Variants in SUGCT observed in about 807,000 individuals in gnomAD.
The protein encoded by SUGCT is succinyl-CoA:glutarate CoA-transferase.
Under a neutral mutation model 55.0 loss-of-function variants are expected in SUGCT, and 41 were observed. The observed-to-expected ratio is 0.74, with a 90% CI of 0.58 to 0.97. The LOEUF is 0.97. Among genes scored for constraint, SUGCT ranks in the 50% least tolerant of loss-of-function variants. SUGCT has a pLI of 0.00. For synonymous variants in SUGCT, 187 were observed against 200.4 expected (o/e 0.93, Z 0.56); for missense variants, 568 against 547.8 (o/e 1.04, Z -0.37).
the SUGCT span, among the ~76,000 whole-genome samples, chr7:41,003,774 T>TCCTTC: frequency 6.6e-6 from 1 of 152,198 alleles, no homozygotes; most frequent in Non-Finnish European, 1.5e-5. Flanking sequence ...ATCCCAGGTA[T>TCCTTC]CCTTCTTTGT....
At chr7:40,847,075 G>A (rs1256096822) in intron 13 of SUGCT, among the ~76,000 whole-genome samples, 1 of 152,180 alleles carries the variant, frequency 6.6e-6, no homozygotes, top group Non-Finnish European at 1.5e-5. Flanking sequence ...GGAATGTCTG[G>A]AGTGAATGCT....
intron 12 of SUGCT, among the ~76,000 whole-genome samples, chr7:40,649,634 G>T (rs1233791969): frequency 6.6e-6 from 1 of 151,984 alleles, no homozygotes; most frequent in African/African-American, 2.4e-5. Flanking sequence ...TGGTTTAATT[G>T]GTTGAATAGC....
At chr7:40,953,600 T>C in the SUGCT span, among the ~76,000 whole-genome samples, 3 of 152,364 alleles carry the variant, frequency 2.0e-5, no homozygotes, top group East Asian at 5.8e-4. Context: ...CCTTTGGTCT[T>C]TGATGATGGT....
chr7:40,604,060 C>T (rs1294433998), intron 12 of SUGCT, among the ~76,000 whole-genome samples: 2 of 152,248 alleles, frequency 1.3e-5, no homozygotes, highest in African/African-American at 4.8e-5. Context: ...CCTCCTGCTT[C>T]TAGACCTTTG....
chr7:40,667,073 T>C (rs1226955110), intron 12 of SUGCT, among the ~76,000 whole-genome samples: 1 of 150,058 alleles, frequency 6.7e-6, no homozygotes, highest in African/African-American at 2.5e-5. Context: ...TGCCACTGCA[T>C]TCCAGTCTAG....
intron 13 of SUGCT, among the ~76,000 whole-genome samples, chr7:40,814,400 TA>T (rs1457689894): frequency 2.0e-5 from 3 of 152,114 alleles, no homozygotes; most frequent in South Asian, 2.1e-4. Flanking sequence ...TTTTTAAAAT[TA>T]TTTTTTTCTT....
intron 9 of SUGCT, among the ~76,000 whole-genome samples, chr7:40,401,126 T>A (rs1173296857): frequency 6.6e-6 from 1 of 152,200 alleles, no homozygotes; most frequent in Non-Finnish European, 1.5e-5. Context: ...TCTTTTTTTC[T>A]TGTGGAATAG....
the SUGCT span, among the ~76,000 whole-genome samples, chr7:41,015,210 G>A: frequency 6.6e-6 from 1 of 152,182 alleles, no homozygotes; most frequent in East Asian, 1.9e-4. Flanking sequence ...TTAGGAAATA[G>A]ATGGAGTAAT....
intron 9 of SUGCT, among the ~76,000 whole-genome samples, chr7:40,445,486 C>T (rs570658717): frequency 1.8e-4 from 27 of 152,012 alleles, no homozygotes; most frequent in African/African-American, 5.5e-4. Flanking sequence ...TATCAGGCTC[C>T]GAAATTGAGG....
At chr7:41,037,157 G>T in the SUGCT span, among the ~76,000 whole-genome samples, 5 of 152,186 alleles carry the variant, frequency 3.3e-5, no homozygotes, top group East Asian at 9.6e-4. Flanking sequence ...CACAAAGAAA[G>T]CCCTTCCTTT....
At chr7:40,563,914 T>A (rs1395373501) in intron 12 of SUGCT, among the ~76,000 whole-genome samples, 1 of 151,936 alleles carries the variant, frequency 6.6e-6, no homozygotes, top group Non-Finnish European at 1.5e-5. Context: ...TAAAAAGTAG[T>A]CCCCCAGAGA....
the SUGCT span, among the ~76,000 whole-genome samples, chr7:40,955,165 T>C: frequency 6.6e-5 from 10 of 152,330 alleles, no homozygotes; most frequent in East Asian, 1.9e-3. Flanking sequence ...TTTTTTCTAA[T>C]TCTGTGAAGA....
chr7:40,966,222 A>C, the SUGCT span: 2 of 152,244 alleles, frequency 1.3e-5, no homozygotes, highest in Admixed American at 6.5e-5. Context: ...GGAACAACAG[A>C]TTGAGAGCCA....
chr7:40,411,349 T>G (rs1189832888), intron 9 of SUGCT, among the ~76,000 whole-genome samples: 2 of 152,178 alleles, frequency 1.3e-5, no homozygotes, highest in African/African-American at 2.4e-5. Context: ...GCCGAGATCG[T>G]GCCACTGTGC....
At chr7:40,331,790 G>A (rs1796322382) in intron 9 of SUGCT, among the ~76,000 whole-genome samples, 1 of 152,138 alleles carries the variant, frequency 6.6e-6, no homozygotes, top group African/African-American at 2.4e-5. Flanking sequence ...AGAGGGGCAG[G>A]GAAACATGTG....
At chr7:40,774,466 A>G (rs1789346699) in intron 13 of SUGCT, among the ~76,000 whole-genome samples, 1 of 152,204 alleles carries the variant, frequency 6.6e-6, no homozygotes, top group Non-Finnish European at 1.5e-5. Flanking sequence ...CCAGTGTCCC[A>G]TGAAATTGAT....
intron 8 of SUGCT, among the ~76,000 whole-genome samples, chr7:40,301,891 G>A (rs972064950): frequency 2.6e-5 from 4 of 152,170 alleles, no homozygotes; most frequent in African/African-American, 9.7e-5. Flanking sequence ...CTAAGAAAAT[G>A]CCTGAAATTC....
intron 6 of SUGCT, among the ~76,000 whole-genome samples, chr7:40,226,129 A>C (rs761414829): frequency 1.3e-5 from 2 of 152,192 alleles, no homozygotes; most frequent in Non-Finnish European, 1.5e-5. Context: ...TGAAATTTAC[A>C]TAAATCTTAT....
At chr7:40,800,742 T>C (rs1414181771) in intron 13 of SUGCT, among the ~76,000 whole-genome samples, 2 of 152,210 alleles carry the variant, frequency 1.3e-5, no homozygotes, top group Admixed American at 1.3e-4. Flanking sequence ...GAGGGTTCTA[T>C]ATTGTGTACA....
Sources: allele counts gnomAD v4.1 joint callset (sites outside exome capture counted in the v4.1 genomes callset), GRCh38; gene constraint gnomAD v4.1.1; transcripts MANE v1.5; gene names NCBI Gene and HGNC (gene_info 2026-07-23, HGNC 2026-07-21).